SYT14: variants seen among roughly 807,000 people sequenced by gnomAD.
SYT14 encodes the protein synaptotagmin-14.
A neutral mutation model predicts 74.2 loss-of-function variants in SYT14; 32 were observed. The observed-to-expected ratio is 0.43, with a 90% CI of 0.33 to 0.58. The LOEUF is 0.58. Ranked by LOEUF, SYT14 falls within the 20% of genes least tolerant of loss-of-function variation. The probability of loss-of-function intolerance (pLI) is 0.05; values close to 1 mark genes in which losing one functional copy is unlikely to be tolerated. For missense variants in SYT14, 791 were observed against 981.8 expected (o/e 0.81, Z 2.60); for synonymous variants, 298 against 337.7 (o/e 0.88, Z 1.29).
At chr1:210,054,235 TA>T (rs907878830) in intron 5 of SYT14, among the ~76,000 whole-genome samples, 4 of 151,516 alleles carry the variant, frequency 2.6e-5, no homozygotes, top group Non-Finnish European at 5.9e-5. Flanking sequence ...TCTTAAGATG[TA>T]AAAAAAAATT....
chr1:209,956,953 A>G (rs1175105163), intron 2 of SYT14, among the ~76,000 whole-genome samples: 1 of 148,944 alleles, frequency 6.7e-6, no homozygotes, highest in Admixed American at 6.7e-5. Flanking sequence ...TTTTTTTTTC[A>G]TTTCCCCTTC....
intron 5 of SYT14, among the ~76,000 whole-genome samples, chr1:210,078,309 CAAAAAAAAAAAA>C (rs59924487): frequency 1.4e-5 from 1 of 72,060 alleles, no homozygotes; most frequent in African/African-American, 5.3e-5. Context: ...GACTCCGTCT[CAAAAAAAAAAAA>C]AAAAAAAAAA....
chr1:210,059,881 C>A (rs2081176949), intron 5 of SYT14, among the ~76,000 whole-genome samples: 1 of 152,098 alleles, frequency 6.6e-6, no homozygotes, highest in Non-Finnish European at 1.5e-5. Context: ...AGGCATCTCA[C>A]CCTCCCATAT....
chr1:210,020,469 C>T (rs940912233), intron 4 of SYT14, among the ~76,000 whole-genome samples: 1 of 152,098 alleles, frequency 6.6e-6, no homozygotes, highest in African/African-American at 2.4e-5. Flanking sequence ...TGCCAAATTG[C>T]TCTCTAGGAA....
chr1:210,040,049 A>G (rs929326864), intron 5 of SYT14, among the ~76,000 whole-genome samples: 11 of 152,166 alleles, frequency 7.2e-5, no homozygotes, highest in African/African-American at 2.7e-4. Context: ...AAATCATTCT[A>G]CTATAAAGAC....
chr1:210,025,513 C>T (rs900520797), intron 5 of SYT14, among the ~76,000 whole-genome samples: 5 of 152,088 alleles, frequency 3.3e-5, no homozygotes, highest in African/African-American at 1.2e-4. Context: ...ATAATATTTA[C>T]CTCATTAATG....
intron 6 of SYT14, among the ~76,000 whole-genome samples, chr1:210,098,410 G>A (rs1249581610): frequency 6.6e-6 from 1 of 152,144 alleles, no homozygotes; most frequent in Admixed American, 6.6e-5. Context: ...TTTGCTCTAT[G>A]AGATTATTCA....
At chr1:210,108,074 A>T (rs962109044) in intron 7 of SYT14, among the ~76,000 whole-genome samples, 7 of 152,200 alleles carry the variant, frequency 4.6e-5, no homozygotes, top group Admixed American at 2.0e-4. Flanking sequence ...GTGAAAACTT[A>T]AATTTTCTTA....
chr1:210,163,818 A>C (rs1357196947), exon 10 of SYT14: 1 of 453,778 alleles, frequency 2.2e-6, no homozygotes, highest in Non-Finnish European at 4.4e-6. Flanking sequence ...TGTGTGCTTG[A>C]ATTTGCATGA....
intron 5 of SYT14, among the ~76,000 whole-genome samples, chr1:210,034,800 C>T (rs1204379844): frequency 1.3e-5 from 2 of 151,804 alleles, no homozygotes; most frequent in African/African-American, 4.8e-5. Flanking sequence ...CTGCAAAAGA[C>T]ATGATTTCAA....
At chr1:210,048,121 T>G (rs2080921068) in intron 5 of SYT14, among the ~76,000 whole-genome samples, 1 of 152,224 alleles carries the variant, frequency 6.6e-6, no homozygotes, top group South Asian at 2.1e-4. Context: ...TCATTGATGA[T>G]TCTTGACTAA....
chr1:210,151,341 A>C (rs1233104067), intron 7 of SYT14, among the ~76,000 whole-genome samples: 6 of 152,162 alleles, frequency 3.9e-5, no homozygotes, highest in Admixed American at 6.5e-5. Context: ...CCTGAGGAGT[A>C]GTCTGAGGAA....
intron 7 of SYT14, among the ~76,000 whole-genome samples, chr1:210,112,065 T>C (rs1453976016): frequency 6.6e-6 from 1 of 150,916 alleles, no homozygotes; most frequent in Non-Finnish European, 1.5e-5. Flanking sequence ...TGTACAGAGG[T>C]GGGAAGGCCA....
chr1:209,940,559 A>G (rs967216098), intron 1 of SYT14, among the ~76,000 whole-genome samples: 2 of 152,230 alleles, frequency 1.3e-5, no homozygotes, highest in African/African-American at 4.8e-5. Context: ...GTATAAAAAC[A>G]TTCAATGATG....
intron 7 of SYT14, among the ~76,000 whole-genome samples, chr1:210,148,858 T>C (rs1028695841): frequency 1.3e-5 from 2 of 152,170 alleles, no homozygotes; most frequent in Non-Finnish European, 2.9e-5. Context: ...GCTTATATAA[T>C]TTTGACACCA....
intron 7 of SYT14, among the ~76,000 whole-genome samples, chr1:210,138,447 A>C (rs2102661631): frequency 6.6e-6 from 1 of 152,216 alleles, no homozygotes; most frequent in African/African-American, 2.4e-5. Flanking sequence ...AAACCATATC[A>C]CTCACTATCT....
chr1:209,976,964 C>A (rs907583138), intron 2 of SYT14, among the ~76,000 whole-genome samples: 4 of 152,018 alleles, frequency 2.6e-5, no homozygotes, highest in African/African-American at 9.7e-5. Flanking sequence ...ATGTAATGGC[C>A]TTCTTTGTCT....
At position 209,947,569 on chromosome 1, in the gene SYT14, C is replaced by T. The variant is rs72649922; in HGVS notation, c.-533-5140C>T. 0.015 allele frequency among the ~76,000 whole-genome samples: 2,319 copies of T among 152,226 alleles called. 173 individuals carry two copies. In the East Asian group the frequency reaches 0.24, roughly 16 times the overall value. On this transcript the variant is annotated intron_variant, in intron 1 of 9. Transcript: ENST00000637265. ...CTGAAATCTCATGATAAAACTTGAA[C>T]GGATGAGGAGTTGCTTATATGGATG...
chr1:210,150,315 GCTCA>G (rs2083132366), intron 7 of SYT14, among the ~76,000 whole-genome samples: 1 of 152,176 alleles, frequency 6.6e-6, no homozygotes, highest in African/African-American at 2.4e-5. Flanking sequence ...CAAAGCCACT[GCTCA>G]CTCCAGTAGG....
Sources: gnomAD v4.1 joint callset for allele counts (sites outside exome capture counted in the v4.1 genomes callset) on GRCh38, gnomAD v4.1.1 for gene constraint, MANE v1.5 for transcripts, NCBI Gene and HGNC (gene_info 2026-07-23, HGNC 2026-07-21) for gene names.